ZNF33B: variants seen among roughly 807,000 people sequenced by gnomAD.
ZNF33B encodes zinc finger protein 33B.
ZNF33B carries 29 observed loss-of-function variants against 45.8 expected under a neutral mutation model. The observed-to-expected ratio is 0.63, with a 90% CI of 0.47 to 0.86. The LOEUF (loss-of-function observed/expected upper bound fraction) is 0.86, where lower values mean the gene tolerates loss of function less well. Among genes scored for constraint, ZNF33B ranks in the 40% least tolerant of loss-of-function variants. ZNF33B has a pLI of 0.00. For synonymous variants in ZNF33B, 305 were observed against 307.8 expected (o/e 0.99, Z 0.10); for missense variants, 831 against 909.9 (o/e 0.91, Z 1.12).
chr10:42,635,433 T>C (rs181958372), intron 2 of ZNF33B, among the ~76,000 whole-genome samples: 116 of 152,280 alleles, frequency 7.6e-4, no homozygotes, highest in Non-Finnish European at 1.4e-3. Context: ...TTTTGACGTA[T>C]GTATTCATTA....
At chr10:42,637,658 T>TTTTG (rs370397197) in intron 1 of ZNF33B, among the ~76,000 whole-genome samples, 34 of 139,954 alleles carry the variant, frequency 2.4e-4, no homozygotes, top group African/African-American at 9.2e-4. Context: ...AATTCTGGTT[T>TTTTG]TTTGTTTGTT....
chr10:42,577,628 C>G, intron 1 of ZNF33B, among the ~76,000 whole-genome samples: 1 of 150,054 alleles, frequency 6.7e-6, no homozygotes, highest in South Asian at 2.1e-4. Flanking sequence ...TTCAGTGGAT[C>G]TATCAATCAG....
intron 2 of ZNF33B, among the ~76,000 whole-genome samples, chr10:42,636,616 G>C (rs1223368731): frequency 2.6e-5 from 4 of 152,184 alleles, no homozygotes; most frequent in Admixed American, 2.6e-4. Flanking sequence ...GAGCTCAGGA[G>C]TTTGCGACCA....
intron 1 of ZNF33B, among the ~76,000 whole-genome samples, chr10:42,578,075 G>T (rs1327278332): frequency 1.1e-5 from 1 of 95,190 alleles, no homozygotes; most frequent in African/African-American, 2.6e-5. Flanking sequence ...CTCAGCTGGG[G>T]AAATGAGGAA....
In ZNF33B at chr10:42,592,704, T is replaced by C. The variant is rs145246304; in HGVS notation, c.2246A>G (p.Tyr749Cys). Residue 749 changes from tyrosine to cysteine, a missense_variant, in exon 5 of 5, where the codon TAT becomes TGT. Tyr to Cys is a radical substitution (Grantham distance 194). Coordinates refer to ENST00000359467, the MANE Select transcript of ZNF33B (RefSeq NM_006955.3). ...HQRSHTGEKP[Y>C]ECNTCRKTFS... is the part of the protein sequence containing the mutation. ...GGTTTTCCTGCATGTGTTACATTCA[T>C]AGGGCTTTTCCCCTGTATGTGATCT... 2.4e-5 allele frequency: 39 copies of C among 1,614,024 alleles called. No homozygotes were observed. The highest frequency in any genetic ancestry group is 1.6e-4 in the Middle Eastern group (1 of 6,084).
downstream of ZNF33B, among the ~76,000 whole-genome samples, chr10:42,585,877 C>A (rs961840563): frequency 6.6e-6 from 1 of 152,134 alleles, no homozygotes. Context: ...TCCATTGGTG[C>A]CTTAAAACTA....
chr10:42,632,727 T>C (rs1259885922), intron 2 of ZNF33B, among the ~76,000 whole-genome samples: 1 of 152,202 alleles, frequency 6.6e-6, no homozygotes, highest in East Asian at 1.9e-4. Flanking sequence ...TGGTAACATG[T>C]TGCAAGTACT....
At chr10:42,609,758 T>C (rs1489288296) in intron 4 of ZNF33B, among the ~76,000 whole-genome samples, 1 of 152,190 alleles carries the variant, frequency 6.6e-6, no homozygotes, top group African/African-American at 2.4e-5. Flanking sequence ...GTTTGGTTTA[T>C]CATTTGAAAA....
intron 1 of ZNF33B, among the ~76,000 whole-genome samples, chr10:42,638,269 C>CA (rs1416641531): frequency 3.3e-5 from 5 of 152,280 alleles, no homozygotes; most frequent in Non-Finnish European, 7.3e-5. Flanking sequence ...GGGCAACGCA[C>CA]AGGGCGTAGC....
intron 4 of ZNF33B, among the ~76,000 whole-genome samples, chr10:42,626,208 C>T (rs1400112354): frequency 1.3e-5 from 2 of 152,108 alleles, no homozygotes; most frequent in East Asian, 1.9e-4. Context: ...ACCAGGCTTG[C>T]TTGTATAACT....
chr10:42,638,539 C>T lies in ZNF33B; in HGVS notation c.-110G>A, dbSNP rs1477616104. On this transcript the variant is annotated 5_prime_UTR_variant, in exon 1 of 5. Coordinates refer to ENST00000359467, the MANE Select transcript of ZNF33B (RefSeq NM_006955.3). ...GTAGACCCCTGAAATCCCGGGACCGCCTCCCACGCAAAACGTGAGACAAAC... is the reference window on the plus strand; with the variant it reads ...GTAGACCCCTGAAATCCCGGGACCGTCTCCCACGCAAAACGTGAGACAAAC... 13 of 480,946 alleles carry T rather than the reference C, an allele frequency of 2.7e-5. No homozygotes were observed. Among genetic ancestry groups the T allele is most frequent in the African/African-American group, 2.4e-4 (12 of 50,792 alleles). 29.8% of individuals were successfully genotyped at this position (480,946 alleles called of 1,614,324 possible).
intron 4 of ZNF33B, among the ~76,000 whole-genome samples, chr10:42,599,644 G>T (rs1331564579): frequency 6.6e-6 from 1 of 151,798 alleles, no homozygotes; most frequent in African/African-American, 2.4e-5. Context: ...ACATATGGTG[G>T]ATATATATGC....
intron 2 of ZNF33B, among the ~76,000 whole-genome samples, chr10:42,635,628 G>T (rs1336334811): frequency 1.3e-5 from 2 of 151,660 alleles, no homozygotes; most frequent in Non-Finnish European, 2.9e-5. Context: ...TGGCCAACAT[G>T]GTGAAACCCT....
chr10:42,579,626 A>G (rs1836796918), intron 1 of ZNF33B: 1 of 152,442 alleles, frequency 6.6e-6, no homozygotes, highest in Non-Finnish European at 1.5e-5. Flanking sequence ...ACCTGGTATC[A>G]ATAGAAGGTC....
At chr10:42,588,474 A>G (rs1836981730), downstream of ZNF33B, among the ~76,000 whole-genome samples, 1 of 152,206 alleles carries the variant, frequency 6.6e-6, no homozygotes, top group Non-Finnish European at 1.5e-5. Flanking sequence ...TGTTTATGCC[A>G]GTGGTTGTAA....
chr10:42,627,008 C>CTTTTTTTT (rs111639981), intron 4 of ZNF33B, among the ~76,000 whole-genome samples: 5 of 145,404 alleles, frequency 3.4e-5, no homozygotes, highest in African/African-American at 1.3e-4. Context: ...TGTCATTTTT[C>CTTTTTTTT]TTTTTTTTTT....
At position 42,589,552 on chromosome 10, in the gene ZNF33B, G is replaced by A. The variant is rs1211834984; in HGVS notation, c.*3061C>T. On this transcript the variant is annotated 3_prime_UTR_variant, in exon 5 of 5. Transcript: ENST00000359467. Reference sequence around the variant, plus strand: ...TAATTGCAATCATACAACATAGAAAGCCTTTTCAGATTGGTTTTCACTTAA... The same window carrying A: ...TAATTGCAATCATACAACATAGAAAACCTTTTCAGATTGGTTTTCACTTAA... 3 of 152,070 alleles carry A rather than the reference G, an allele frequency of 2.0e-5. No homozygotes were observed. The highest frequency in any genetic ancestry group is 2.9e-5 in the Non-Finnish European group (2 of 68,024). 9.4% of individuals were successfully genotyped at this position (152,070 alleles called of 1,614,324 possible). A position where few individuals can be genotyped will look rare whatever the true frequency, so the allele number is the denominator to read the frequency against.
At position 42,594,345 on chromosome 10, in the gene ZNF33B, T is replaced by C; in HGVS notation, c.605A>G (p.His202Arg). 6.2e-7 allele frequency: 1 copy of C among 1,613,940 alleles called. No individual in the cohort carries two copies. ...CTCATGCTGCAAAGTGTTCTCACGA[T>C]GACTCAGAGTGTTCCTATTTTTCAA... is the stretch of plus-strand genomic sequence containing the variant. ...EVLKNRNTLSHRENTLQHEKI... is the reference protein window; with the variant it reads ...EVLKNRNTLSRRENTLQHEKI... The change falls in exon 5 of 5, where the codon CAT (histidine) becomes CGT (arginine). Residue 202 changes from histidine to arginine, a missense_variant. By Grantham distance (29) the His-to-Arg change is conservative (BLOSUM62 0). Coordinates refer to ENST00000359467, the MANE Select transcript of ZNF33B (RefSeq NM_006955.3).
intron 4 of ZNF33B, among the ~76,000 whole-genome samples, chr10:42,628,750 A>G (rs2132153267): frequency 6.6e-6 from 1 of 152,226 alleles, no homozygotes; most frequent in South Asian, 2.1e-4. Flanking sequence ...TGGAATAGAG[A>G]ACGCCACCGA....
Sources: gnomAD v4.1 joint callset for allele counts (sites outside exome capture counted in the v4.1 genomes callset) on GRCh38, gnomAD v4.1.1 for gene constraint, MANE v1.5 for transcripts, NCBI Gene and HGNC (gene_info 2026-07-23, HGNC 2026-07-21) for gene names.